ZNF91: variants seen among roughly 807,000 people sequenced by gnomAD.
ZNF91 encodes zinc finger protein 91 (HPF7, HTF10).
Under a neutral mutation model 12.6 loss-of-function variants are expected in ZNF91, and 7 were observed. The observed-to-expected ratio is 0.55, with a 90% confidence interval of 0.31 to 1.04. The LOEUF is 1.04. Ranked by LOEUF, ZNF91 falls within the 50% of genes least tolerant of loss-of-function variation. ZNF91 has a pLI of 0.05. For missense variants in ZNF91, 1,217 were observed against 1,385.4 expected (o/e 0.88, Z 1.93); for synonymous variants, 453 against 462.6 (o/e 0.98, Z 0.27).
chr19:23,361,435 T>C lies in ZNF91; in HGVS notation c.1544A>G (p.Glu515Gly), dbSNP rs1968761453. 1.2e-6 allele frequency: 2 copies of C among 1,613,798 alleles called. No individual in the cohort carries two copies. The highest frequency in any genetic ancestry group is 1.7e-6 in the Non-Finnish European group (2 of 1,179,814). Residue 515 changes from glutamate to glycine, a missense_variant, in exon 4 of 4, where the codon GAG becomes GGG. Physicochemically the swap from Glu to Gly is moderately conservative, Grantham distance 98. Coordinates refer to ENST00000300619, the MANE Select transcript of ZNF91 (RefSeq NM_003430.4). Reference protein sequence around the residue: ...LTKHKIIHTGEKPYKFEECGK... With the variant: ...LTKHKIIHTGGKPYKFEECGK... ...ACATTCTTCAAATTTGTAGGGTTTC[T>C]CTCCAGTATGAATTATCTTATGTTT...
In ZNF91 at chr19:23,359,625, G is replaced by A. The variant is rs751559071; in HGVS notation, c.3354C>T (p.Ser1118=). The change falls in exon 4 of 4, where the codon TCC becomes TCT. Residue 1118 remains serine (S), a synonymous_variant. Coordinates refer to ENST00000300619, the MANE Select transcript of ZNF91 (RefSeq NM_003430.4). ...CGECGKAFKE[S]SALTKHKIIH... is the part of the protein sequence containing the mutation. Reference sequence around the variant, plus strand: ...TTATCTTATGTTTAGTAAGAGCTGAGGACTCTTTAAAGGCTTTGCCACATT... The same window carrying A: ...TTATCTTATGTTTAGTAAGAGCTGAAGACTCTTTAAAGGCTTTGCCACATT... 35 of 1,613,326 alleles carry A rather than the reference G, an allele frequency of 2.2e-5. No homozygotes were observed. In the East Asian group the frequency reaches 7.4e-4, roughly 34 times the overall value.
At chr19:23,381,280 TC>T (rs1294055594) in intron 1 of ZNF91, among the ~76,000 whole-genome samples, 1 of 152,182 alleles carries the variant, frequency 6.6e-6, no homozygotes, top group Non-Finnish European at 1.5e-5. Flanking sequence ...AGGAATTCAT[TC>T]AAAGTAAATA....
chr19:23,381,022 A>T (rs1331749132), intron 1 of ZNF91: 1 of 152,222 alleles, frequency 6.6e-6, no homozygotes, highest in African/African-American at 2.4e-5. Context: ...CTGAAATGAA[A>T]GCCACTAAAA....
chr19:23,317,840 A>G (rs907161636), intron 1 of ZNF91, among the ~76,000 whole-genome samples: 8 of 152,300 alleles, frequency 5.3e-5, no homozygotes, highest in Non-Finnish European at 7.3e-5. Flanking sequence ...ATTGTGACTC[A>G]TGTATTTAGA....
chr19:23,322,221 G>A (rs1967711647), intron 1 of ZNF91, among the ~76,000 whole-genome samples: 1 of 152,088 alleles, frequency 6.6e-6, no homozygotes. Context: ...CATATCTCTG[G>A]GGCTCTCAAA....
rs1261266298 is a variant in ZNF91 at position 23,359,530 on chromosome 19, G to C, written c.3449C>G (p.Thr1150Ser). 3.1e-6 allele frequency: 5 copies of C among 1,614,022 alleles called. No individual in the cohort carries two copies. Among genetic ancestry groups the C allele is most frequent in the Non-Finnish European group, 4.2e-6 (5 of 1,179,918 alleles). ...GATAGTATGAATTTTCTTATGGTTA[G>C]TAAGGATTGAAGACTGGTTAAAGGC... is the stretch of plus-strand genomic sequence containing the variant. ...GKAFNQSSIL[T>S]NHKKIHTITP... Residue 1150 changes from threonine (T) to serine (S), a missense_variant, in exon 4 of 4, where the codon ACT (threonine) becomes AGT (serine). This residue lies in a region of ZNF91 where 491 missense variants were observed against 489.8 expected (regional missense o/e 1.00). Transcript: ENST00000300619.
intron 3 of ZNF91, among the ~76,000 whole-genome samples, chr19:23,365,601 G>A (rs1968970700): frequency 6.6e-6 from 1 of 151,154 alleles, no homozygotes; most frequent in African/African-American, 2.4e-5. Flanking sequence ...ATCATTCTTG[G>A]GTGTTTCTCG....
At chr19:23,375,432 T>A (rs540009282) in intron 1 of ZNF91, among the ~76,000 whole-genome samples, 1 of 152,242 alleles carries the variant, frequency 6.6e-6, no homozygotes, top group East Asian at 1.9e-4. Flanking sequence ...GTGCTGGGAT[T>A]ACAGGCATGA....
At chr19:23,341,642 C>T (rs1181221288) in intron 3 of ZNF91, among the ~76,000 whole-genome samples, 1 of 151,968 alleles carries the variant, frequency 6.6e-6, no homozygotes, top group Non-Finnish European at 1.5e-5. Flanking sequence ...CTCAATATCA[C>T]CTACCAAAAG....
Position 23,373,837 on chromosome 19 carries a change from C to A in ZNF91, c.158G>T (p.Gly53Val). ...LENYRNLAFL[G>V]IALSKPDLIT... ...CAGGTCTGGCTTAGAGAGAGCAATA[C>A]CTGTTTTATTAAAAATAACTAACAT... The change falls in exon 3 of 4, where the codon GGT (glycine) becomes GTT (valine). Residue 53 changes from glycine (G) to valine (V), a missense_variant and splice_region_variant. This residue lies in a region of ZNF91 where 726 missense variants were observed against 895.5 expected (regional missense o/e 0.81). Transcript: ENST00000300619. 1 of 1,595,520 alleles carries A rather than the reference C, an allele frequency of 6.3e-7. No homozygotes were observed. Among genetic ancestry groups the A allele is most frequent in the Middle Eastern group, 1.7e-4 (1 of 5,964 alleles).
intron 3 of ZNF91, chr19:23,306,681 G>T: frequency 6.6e-6 from 1 of 152,368 alleles, no homozygotes; most frequent in Non-Finnish European, 1.5e-5. Flanking sequence ...AGATATCTCT[G>T]TGTCCACCAG....
intron 3 of ZNF91, among the ~76,000 whole-genome samples, chr19:23,344,682 C>T (rs1968186065): frequency 6.6e-6 from 1 of 152,172 alleles, no homozygotes; most frequent in African/African-American, 2.4e-5. Context: ...TTCTCCCTCA[C>T]TGATATCTGA....
rs1968560132 is a variant in ZNF91, at chr19:23,358,533, C to T, written c.*870G>A. On this transcript the variant is annotated 3_prime_UTR_variant, in exon 4 of 4. Coordinates refer to ENST00000300619, the MANE Select transcript of ZNF91 (RefSeq NM_003430.4). ...ACATATTTTCTGATCAGTCGTTTGACAGTAATTACACTTCTTATTTAGTAT... is the reference window on the plus strand; with the variant it reads ...ACATATTTTCTGATCAGTCGTTTGATAGTAATTACACTTCTTATTTAGTAT... 6.6e-6 allele frequency: 1 copy of T among 152,168 alleles called. No individual in the cohort carries two copies. Among genetic ancestry groups the T allele is most frequent in the Non-Finnish European group, 1.5e-5 (1 of 68,032 alleles). The allele number at this position is 152,168 out of a possible 1,614,324, so 9.4% of individuals were successfully genotyped here.
At chr19:23,375,311 C>G (rs567823702) in intron 1 of ZNF91, among the ~76,000 whole-genome samples, 1 of 152,060 alleles carries the variant, frequency 6.6e-6, no homozygotes, top group Admixed American at 6.5e-5. Context: ...AGGTGCCCAC[C>G]ACCACGCCCG....
intron 1 of ZNF91, among the ~76,000 whole-genome samples, chr19:23,377,122 A>G (rs563361987): frequency 6.6e-6 from 1 of 152,050 alleles, no homozygotes; most frequent in South Asian, 2.1e-4. Context: ...TACGGACATC[A>G]GCAATTTCTG....
At chr19:23,331,458 C>T (rs925565881) in intron 1 of ZNF91, among the ~76,000 whole-genome samples, 12 of 152,282 alleles carry the variant, frequency 7.9e-5, no homozygotes, top group Non-Finnish European at 1.3e-4. Flanking sequence ...TGTCATGTTG[C>T]TAAGAATGTG....
chr19:23,369,206 A>T (rs1201180311), intron 3 of ZNF91, among the ~76,000 whole-genome samples: 2 of 152,060 alleles, frequency 1.3e-5, no homozygotes, highest in African/African-American at 2.4e-5. Flanking sequence ...GCTAGTCAGG[A>T]GGCTGAGGCA....
intron 1 of ZNF91, among the ~76,000 whole-genome samples, chr19:23,330,192 G>A (rs1432002283): frequency 6.6e-6 from 1 of 152,078 alleles, no homozygotes; most frequent in Non-Finnish European, 1.5e-5. Context: ...TCAGCCGGGT[G>A]TTGGGGCGGG....
chr19:23,364,098 C>T (rs979951830), intron 3 of ZNF91, among the ~76,000 whole-genome samples: 1 of 152,186 alleles, frequency 6.6e-6, no homozygotes, highest in African/African-American at 2.4e-5. Flanking sequence ...GAGGACAGAT[C>T]ACCTAAGGTC....
Sources: allele counts gnomAD v4.1 joint callset (sites outside exome capture counted in the v4.1 genomes callset), GRCh38; gene constraint gnomAD v4.1.1; regional missense constraint gnomAD v4.1.1; transcripts MANE v1.5; gene names NCBI Gene and HGNC (gene_info 2026-07-23, HGNC 2026-07-21).